Variants in PIWIL1 observed in about 807,000 individuals in gnomAD.
The protein encoded by PIWIL1 is piwi like RNA-mediated gene silencing 1.
Under a neutral mutation model 114.4 loss-of-function variants are expected in PIWIL1, and 73 were observed. That is an observed-to-expected ratio of 0.64 (90% CI 0.53 to 0.78). The LOEUF (loss-of-function observed/expected upper bound fraction) is 0.78, where lower values mean the gene tolerates loss of function less well. Among genes scored for constraint, PIWIL1 ranks in the 30% least tolerant of loss-of-function variants. The probability of loss-of-function intolerance (pLI) is 0.00; values close to 1 mark genes in which losing one functional copy is unlikely to be tolerated. For missense variants in PIWIL1, 723 were observed against 1,063.1 expected, an observed-to-expected ratio of 0.68 and a Z score of 4.45; for synonymous variants, 375 against 369.0, an observed-to-expected ratio of 1.02 and a Z score of -0.19.
At chr12:130,364,848 C>T (rs1052113524) in intron 18 of PIWIL1, among the ~76,000 whole-genome samples, 1 of 152,080 alleles carries the variant, frequency 6.6e-6, no homozygotes, top group Non-Finnish European at 1.5e-5. Context: ...TTGTCATTTC[C>T]TCATACCTGA....
Position 130,371,243 on chromosome 12 carries a change from A to G in PIWIL1, c.2389A>G (p.Ile797Val), listed in dbSNP as rs2073809344. 6.2e-7 allele frequency: 1 copy of G among 1,614,236 alleles called. No homozygotes were observed. ...GSVSPTHYNV[I>V]YDNSGLKPDH... ...TGTTTCTCCCACACATTACAATGTC[A>G]TCTATGACAACAGCGGCCTGAAGCC... Residue 797 changes from isoleucine to valine, a missense_variant, in exon 20 of 21, where the codon ATC (isoleucine) becomes GTC (valine). Ile to Val is a conservative substitution (Grantham distance 29). Coordinates refer to ENST00000245255, the MANE Select transcript of PIWIL1 (RefSeq NM_004764.5).
the PIWIL1 span, chr12:130,399,691 T>G: frequency 5.0e-6 from 8 of 1,614,100 alleles, no homozygotes; most frequent in Admixed American, 1.7e-5. Flanking sequence ...TTTTTGCCTT[T>G]GAGCGCATTG....
chr12:130,415,362 A>T, the PIWIL1 span, among the ~76,000 whole-genome samples: 1 of 152,168 alleles, frequency 6.6e-6, no homozygotes, highest in African/African-American at 2.4e-5. Context: ...CTTCATGATT[A>T]AAAAAACCCT....
the PIWIL1 span, among the ~76,000 whole-genome samples, chr12:130,401,128 T>A: frequency 3.9e-5 from 6 of 152,142 alleles, no homozygotes; most frequent in Non-Finnish European, 5.9e-5. Flanking sequence ...CTTTTTTTTT[T>A]AAATTGAGAC....
the PIWIL1 span, among the ~76,000 whole-genome samples, chr12:130,394,301 G>A: frequency 6.6e-6 from 1 of 152,224 alleles, no homozygotes. Context: ...AAGGGGCTGC[G>A]CCAGCTGGCA....
At chr12:130,407,660 G>T in the PIWIL1 span, 1 of 1,262,884 alleles carries the variant, frequency 7.9e-7, no homozygotes, top group Non-Finnish European at 1.2e-6. Flanking sequence ...GCCTCAGTGT[G>T]GTGTACCACG....
chr12:130,407,822 G>A, the PIWIL1 span: 2 of 1,613,534 alleles, frequency 1.2e-6, no homozygotes, highest in African/African-American at 1.3e-5. Flanking sequence ...CACTTCTCCT[G>A]CTTCTCTCTG....
intron 19 of PIWIL1, 25 bp from the exon 20 acceptor site, chr12:130,371,151 A>C (rs377737730): frequency 7.5e-5 from 121 of 1,608,544 alleles, no homozygotes; most frequent in Non-Finnish European, 1.0e-4. Flanking sequence ...TTTTCAGCAC[A>C]TCCGTGTGTT....
the PIWIL1 span, among the ~76,000 whole-genome samples, chr12:130,411,034 G>A: frequency 6.6e-6 from 1 of 152,110 alleles, no homozygotes; most frequent in African/African-American, 2.4e-5. Flanking sequence ...AGTGTTTTCT[G>A]ATTTTCGGCA....
the PIWIL1 span, among the ~76,000 whole-genome samples, chr12:130,411,984 T>C: frequency 3.3e-5 from 5 of 152,166 alleles, no homozygotes; most frequent in African/African-American, 1.2e-4. Context: ...TCTACAGCTT[T>C]TTAGAAAAAG....
intron 7 of PIWIL1, 109 bp from the exon 8 acceptor site, chr12:130,349,130 A>G (rs2073148702): frequency 1.5e-6 from 1 of 682,614 alleles, no homozygotes; most frequent in Admixed American, 2.8e-5. Flanking sequence ...TGATTCATTC[A>G]GAAACTTTAT....
chr12:130,370,872 T>G (rs931303216), intron 19 of PIWIL1, among the ~76,000 whole-genome samples: 1 of 152,190 alleles, frequency 6.6e-6, no homozygotes, highest in African/African-American at 2.4e-5. Context: ...AAACAGGAAC[T>G]GGCCAAGTAT....
At chr12:130,394,778 T>G in the PIWIL1 span, among the ~76,000 whole-genome samples, 1 of 144,590 alleles carries the variant, frequency 6.9e-6, no homozygotes, top group South Asian at 2.2e-4. Context: ...GCAAATAGTT[T>G]ATTTGAAAAG....
rs1555226479 is a variant in PIWIL1 at position 130,342,186 on chromosome 12, G to GT, written c.-12-393dup. ...TGTGTGTGTGTGTGTGTGTGTGTGTGTGTGTCTGTGTATGGGAGTATGTGT... is the reference window on the plus strand; with the variant it reads ...TGTGTGTGTGTGTGTGTGTGTGTGTGTTGTGTCTGTGTATGGGAGTATGTGT... On this transcript the variant is annotated intron_variant, in intron 1 of 20. Coordinates refer to ENST00000245255, the MANE Select transcript of PIWIL1 (RefSeq NM_004764.5). 8.0e-3 allele frequency: 1,517 copies of GT among 189,440 alleles called. 28 individuals are homozygous for GT. The highest frequency in any genetic ancestry group is 0.034 in the African/African-American group (1,449 of 42,138). 11.7% of individuals were successfully genotyped at this position (189,440 alleles called of 1,614,324 possible). A position where few individuals can be genotyped will look rare whatever the true frequency, so the allele number is the denominator to read the frequency against.
chr12:130,414,556 G>C, the PIWIL1 span: 1 of 322,286 alleles, frequency 3.1e-6, no homozygotes, highest in East Asian at 6.0e-5. Flanking sequence ...GCTGGGCCTC[G>C]GGGGCCTCCT....
At chr12:130,401,641 C>T in the PIWIL1 span, among the ~76,000 whole-genome samples, 2 of 152,022 alleles carry the variant, frequency 1.3e-5, no homozygotes, top group Middle Eastern at 3.4e-3. Flanking sequence ...TCTCTGTTGA[C>T]ATTACAGACT....
chr12:130,381,283 G>C, the PIWIL1 span, among the ~76,000 whole-genome samples: 1 of 152,198 alleles, frequency 6.6e-6, no homozygotes, highest in Non-Finnish European at 1.5e-5. Flanking sequence ...GGACGACACA[G>C]AGTCCTTTCA....
At chr12:130,414,161 C>G in the PIWIL1 span, 1 of 1,614,228 alleles carries the variant, frequency 6.2e-7, no homozygotes, top group Non-Finnish European at 8.5e-7. Flanking sequence ...GAAGCTCCTC[C>G]TCTGCAGCAT....
chr12:130,419,179 T>TG, the PIWIL1 span, among the ~76,000 whole-genome samples: 1 of 152,118 alleles, frequency 6.6e-6, no homozygotes, highest in Non-Finnish European at 1.5e-5. This position sits in a 1 kb window ranked among gnomAD's most constrained non-coding sequence, Gnocchi z 4.3. Flanking sequence ...ACTGGGCAGT[T>TG]GGGGGTCCCT....
Sources: gnomAD v4.1 joint callset for allele counts (sites outside exome capture counted in the v4.1 genomes callset) on GRCh38, gnomAD v4.1.1 for gene constraint, Gnocchi (gnomAD v3.1) non-coding constraint, MANE v1.5 for transcripts, NCBI Gene and HGNC (gene_info 2026-07-23, HGNC 2026-07-21) for gene names.